Variants in FBRSL1 observed in about 807,000 individuals in gnomAD.
FBRSL1 encodes the protein fibrosin-1-like protein.
In FBRSL1, 51 loss-of-function variants were observed where a neutral mutation model predicts 89.6. The observed-to-expected ratio is 0.57, with a 90% CI of 0.45 to 0.72. FBRSL1 has a LOEUF of 0.72. Ranked by LOEUF, FBRSL1 falls within the 30% of genes least tolerant of loss-of-function variation. The pLI, the probability that FBRSL1 is intolerant of heterozygous loss-of-function variation, is 0.00. For missense variants in FBRSL1, 1,618 were observed against 1,451.8 expected, an observed-to-expected ratio of 1.11 and a Z score of -1.86; for synonymous variants, 779 against 681.1, an observed-to-expected ratio of 1.14 and a Z score of -2.24.
chr12:132,531,097 C>T (rs2137017512), intron 4 of FBRSL1, among the ~76,000 whole-genome samples: 1 of 152,030 alleles, frequency 6.6e-6, no homozygotes, highest in Non-Finnish European at 1.5e-5. Flanking sequence ...TCTTCCCCGG[C>T]ACTGAGGACT....
intron 2 of FBRSL1, chr12:132,510,211 T>C: frequency 8.1e-7 from 1 of 1,231,596 alleles, no homozygotes; most frequent in Non-Finnish European, 1.0e-6. Context: ...CCCCAGCCGT[T>C]GCTCCCCATT....
At chr12:132,560,162 C>A (rs2038992012) in intron 5 of FBRSL1, 1 of 151,736 alleles carries the variant, frequency 6.6e-6, no homozygotes, top group African/African-American at 2.4e-5. Flanking sequence ...GGCTCGCGCT[C>A]CACGCCCGCG....
rs2137629069 is a variant in FBRSL1 at position 132,561,152 on chromosome 12, C to G, written c.646-6329C>G. ...CAGGTTCTCACTGTGAGGTGGAGGCCACCTGCCTCCGGGGCCTCTGCTAGG... is the reference window on the plus strand; with the variant it reads ...CAGGTTCTCACTGTGAGGTGGAGGCGACCTGCCTCCGGGGCCTCTGCTAGG... On this transcript the variant is annotated intron_variant, in intron 5 of 18. Transcript: ENST00000680143. 2.0e-5 allele frequency among the ~76,000 whole-genome samples: 3 copies of G among 152,332 alleles called. No individual in the cohort carries two copies. The South Asian group carries it at 6.2e-4, about 32-fold the overall frequency.
intron 2 of FBRSL1, chr12:132,509,873 C>T (rs1197436516): frequency 2.8e-5 from 34 of 1,231,714 alleles, no homozygotes; most frequent in African/African-American, 6.2e-5. Flanking sequence ...GCCGACGGCC[C>T]GCCAGCTTCC....
At chr12:132,577,003 G>A (rs1374223067) in intron 15 of FBRSL1, 72 bp downstream of exon 15, 1 of 1,501,442 alleles carries the variant, frequency 6.7e-7, no homozygotes, top group African/African-American at 1.4e-5. Flanking sequence ...CTGCCTTCCT[G>A]TGCCAGGAGT....
chr12:132,567,430 C>T lies in FBRSL1; in HGVS notation c.646-51C>T, dbSNP rs918079060. 4.6e-6 allele frequency: 7 copies of T among 1,538,262 alleles called. No homozygotes were observed. The South Asian group carries it at 4.8e-5, about 10-fold the overall frequency. On this transcript the variant is annotated intron_variant, in intron 5 of 18. Coordinates refer to ENST00000680143, the MANE Select transcript of FBRSL1 (RefSeq NM_001367871.1). ...GTGTGGGCATTGGGCGCAAGGTCCA[C>T]GAGGATGAGGACCACCCTGACTGCC...
At chr12:132,501,191 C>T (rs1349868087) in intron 1 of FBRSL1, among the ~76,000 whole-genome samples, 1 of 152,164 alleles carries the variant, frequency 6.6e-6, no homozygotes, top group Non-Finnish European at 1.5e-5. Context: ...GCCTCGTGGT[C>T]CTGTTCACTC....
chr12:132,563,384 A>C (rs1593510613), intron 5 of FBRSL1, among the ~76,000 whole-genome samples: 3 of 32,134 alleles, frequency 9.3e-5, no homozygotes, highest in Non-Finnish European at 1.2e-4. Flanking sequence ...CCTGGCCCCC[A>C]CAGCCTGCAC....
intron 2 of FBRSL1, among the ~76,000 whole-genome samples, chr12:132,520,500 A>G (rs1179574785): frequency 6.6e-6 from 1 of 152,144 alleles, no homozygotes; most frequent in Admixed American, 6.5e-5. Flanking sequence ...CTGCCCTCCA[A>G]ACGCCCGAGG....
chr12:132,568,204 C>T (rs1309721480), intron 6 of FBRSL1, among the ~76,000 whole-genome samples: 1 of 152,240 alleles, frequency 6.6e-6, no homozygotes, highest in Non-Finnish European at 1.5e-5. Flanking sequence ...CCTAGGCGGG[C>T]AGCATCTCCG....
At chr12:132,578,343 TCACA>T (rs3221291) in intron 15 of FBRSL1, among the ~76,000 whole-genome samples, 3 of 141,008 alleles carry the variant, frequency 2.1e-5, no homozygotes, top group Admixed American at 7.2e-5. Flanking sequence ...AGACCCTGTC[TCACA>T]CACACACACA....
At chr12:132,516,086 T>C (rs529079211) in intron 2 of FBRSL1, among the ~76,000 whole-genome samples, 1 of 151,564 alleles carries the variant, frequency 6.6e-6, no homozygotes, top group South Asian at 2.1e-4. Context: ...ACGAAAAAGG[T>C]GAAATGGGGA....
At chr12:132,572,720 C>T in intron 11 of FBRSL1, 98 bp downstream of exon 11, 1 of 847,176 alleles carries the variant, frequency 1.2e-6, no homozygotes, top group East Asian at 2.7e-5. Context: ...CACAACCACC[C>T]CCCTTTCCCT....
At chr12:132,569,029 A>G (rs2039825642) in intron 6 of FBRSL1, among the ~76,000 whole-genome samples, 1 of 152,134 alleles carries the variant, frequency 6.6e-6, no homozygotes, top group African/African-American at 2.4e-5. Flanking sequence ...GGACGTGAAC[A>G]GGAGGCATGC....
At chr12:132,576,527 A>G (rs2040393252) in intron 14 of FBRSL1, among the ~76,000 whole-genome samples, 1 of 152,202 alleles carries the variant, frequency 6.6e-6, no homozygotes. Flanking sequence ...CAAAAAAAGT[A>G]AGTTATTTTC....
chr12:132,508,448 G>A lies in FBRSL1; in HGVS notation c.489+98G>A, dbSNP rs567842503. On this transcript the variant is annotated intron_variant, in intron 2 of 18. Transcript: ENST00000680143. ...CTGGACACCACGCCACGTGGCCCCC[G>A]GGCCTGCCTGGCAGCGCGCCCATCG... The A allele has an allele frequency of 1.2e-4, 152 of 1,282,672 alleles. 1 individual carries two copies. The East Asian group carries it at 2.1e-3, about 18-fold the overall frequency. The allele number at this position is 1,282,672 out of a possible 1,614,324, so 79.5% of individuals were successfully genotyped here. A position where few individuals can be genotyped will look rare whatever the true frequency, so the allele number is the denominator to read the frequency against.
In FBRSL1 at chr12:132,556,268, C is replaced by G. The variant is rs143296923; in HGVS notation, c.645+8236C>G. ...CAGGCCTTGGGGGTCTGGCCTACCC[C>G]TCACCTATGCACCACAGCCTTGCTC... On this transcript the variant is annotated intron_variant, in intron 5 of 18. Transcript: ENST00000680143. 4.8e-3 allele frequency among the ~76,000 whole-genome samples: 737 copies of G among 152,312 alleles called. 5 individuals carry two copies. Among genetic ancestry groups the G allele is most frequent in the African/African-American group, 0.017 (707 of 41,566 alleles).
intron 3 of FBRSL1, among the ~76,000 whole-genome samples, chr12:132,526,571 C>G (rs895089200): frequency 6.6e-6 from 1 of 152,170 alleles, no homozygotes; most frequent in South Asian, 2.1e-4. Context: ...TCCTGGGGCC[C>G]TTCAGGAGCT....
intron 18 of FBRSL1, 63 bp from the exon 19 acceptor site, chr12:132,582,908 G>C: frequency 2.3e-6 from 3 of 1,279,720 alleles, no homozygotes; most frequent in South Asian, 1.9e-5. Context: ...GGAACATCCC[G>C]GGGCTGCGCC....
Sources: allele counts gnomAD v4.1 joint callset (sites outside exome capture counted in the v4.1 genomes callset), GRCh38; gene constraint gnomAD v4.1.1; transcripts MANE v1.5; gene names NCBI Gene and HGNC (gene_info 2026-07-23, HGNC 2026-07-21).